Variants in GBP7 observed in about 807,000 individuals in gnomAD.
GBP7 encodes guanylate binding protein 7.
In GBP7, 43 loss-of-function variants were observed where a neutral mutation model predicts 61.3. That is an observed-to-expected ratio of 0.70 (90% confidence interval 0.55 to 0.91). GBP7 has a LOEUF of 0.91. GBP7 is among the 40% of genes least tolerant of loss of function. The pLI is 0.00. For missense variants in GBP7, 717 were observed against 740.5 expected (o/e 0.97, Z 0.37); for synonymous variants, 267 against 271.0 (o/e 0.99, Z 0.14).
Position 89,149,546 on chromosome 1 carries a change from G to C in GBP7, c.898C>G (p.Leu300Val). 6.2e-7 allele frequency: 1 copy of C among 1,613,802 alleles called. No individual in the cohort carries two copies. Among genetic ancestry groups the C allele is most frequent in the Non-Finnish European group, 8.5e-7 (1 of 1,179,764 alleles). The change falls in exon 7 of 11, where the codon CTG becomes GTG. Residue 300 changes from leucine (L) to valine (V), a missense_variant. Physicochemically the swap from Leu to Val is conservative, Grantham distance 32. Transcript: ENST00000294671. Reference sequence around the variant, plus strand: ...GTCGCTCCACTGTTGATGGCATCCAGGTAGGTCTCCACCAGCATCCCCAGC... The same window carrying C: ...GTCGCTCCACTGTTGATGGCATCCACGTAGGTCTCCACCAGCATCCCCAGC... Reference protein sequence around the residue: ...NRLGMLVETYLDAINSGATPC... With the variant: ...NRLGMLVETYVDAINSGATPC...
chr1:89,149,166 G>T, intron 7 of GBP7, 126 bp downstream of exon 7: 2 of 736,578 alleles, frequency 2.7e-6, no homozygotes, highest in South Asian at 3.1e-5. Context: ...ATTAAATTCA[G>T]TCACATAAAA....
intron 2 of GBP7, among the ~76,000 whole-genome samples, chr1:89,167,662 G>A (rs993015732): frequency 7.9e-5 from 12 of 152,190 alleles, no homozygotes; most frequent in African/African-American, 2.4e-4. Context: ...TTGTGTGAAG[G>A]TAAACTGGCC....
intron 7 of GBP7, among the ~76,000 whole-genome samples, chr1:89,148,803 C>T (rs952970035): frequency 1.9e-4 from 29 of 152,100 alleles, no homozygotes; most frequent in Non-Finnish European, 1.5e-5. Flanking sequence ...TTTCCACACT[C>T]AGTCAGGCAA....
At position 89,171,771 on chromosome 1, in the gene GBP7, C is replaced by T. The variant is rs139427783; in HGVS notation, c.165G>A (p.Met55Ile). ...CTTTGTTCTTCCCAGCCAGCTTGTT[C>T]ATTAGGTAGGATTTGCCTGTGCGGT... ...GLYRTGKSYL[M>I]NKLAGKNKGF... Residue 55 changes from methionine to isoleucine, a missense_variant, in exon 2 of 11, where the codon ATG becomes ATA. Coordinates refer to ENST00000294671, the MANE Select transcript of GBP7 (RefSeq NM_207398.3). 1.5e-4 allele frequency: 239 copies of T among 1,613,008 alleles called. No homozygotes were observed. Among genetic ancestry groups the T allele is most frequent in the Non-Finnish European group, 1.7e-4 (205 of 1,179,702 alleles).
intron 3 of GBP7, among the ~76,000 whole-genome samples, chr1:89,159,565 C>T (rs1313497483): frequency 6.6e-6 from 1 of 152,180 alleles, no homozygotes; most frequent in Admixed American, 6.5e-5. Context: ...TATGAACAGA[C>T]ACTTCTCAAA....
Position 89,152,446 on chromosome 1 carries a change from T to C in GBP7, c.447A>G (p.Thr149=). The C allele has an allele frequency of 6.2e-7, 1 of 1,614,186 alleles. No individual in the cohort carries two copies. Among genetic ancestry groups the C allele is most frequent in the Non-Finnish European group, 8.5e-7 (1 of 1,180,000 alleles). Residue 149 remains threonine, a synonymous_variant, in exon 5 of 11, where the codon ACA becomes ACG. Transcript: ENST00000294671. ...GGCACGATTTTGCCCTGATTAGCTC[T>C]GTTAGCTCAGTCACGTAGCTGGGAT... ...LEQLHYVTEL[T]ELIRAKSCPR...
Position 89,152,365 on chromosome 1 carries a change from A to G in GBP7, c.528T>C (p.Phe176=). The change falls in exon 5 of 11, where the codon TTT becomes TTC. Residue 176 remains phenylalanine, a synonymous_variant. Coordinates refer to ENST00000294671, the MANE Select transcript of GBP7 (RefSeq NM_207398.3). ...GGGTAAAATCTCGAACAGTCCAAAT[A>G]AAGTCTGGAAAGAAACTCACAAACT... ...SSEFVSFFPD[F]IWTVRDFTLE... 6.2e-7 allele frequency: 1 copy of G among 1,614,126 alleles called. No homozygotes were observed. Among genetic ancestry groups the G allele is most frequent in the Non-Finnish European group, 8.5e-7 (1 of 1,180,016 alleles).
chr1:89,142,781 C>T (rs1681982236), intron 8 of GBP7, among the ~76,000 whole-genome samples: 1 of 10,250 alleles, frequency 9.8e-5, no homozygotes, highest in Non-Finnish European at 1.7e-4. Flanking sequence ...TTCCTTGTTC[C>T]CTTCTTTCAA....
At chr1:89,158,104 CA>C in intron 3 of GBP7, among the ~76,000 whole-genome samples, 1 of 152,114 alleles carries the variant, frequency 6.6e-6, no homozygotes, top group East Asian at 1.9e-4. Context: ...GAACCAAAGA[CA>C]AAAACCACAT....
At chr1:89,142,666 A>C (rs1316955280) in intron 8 of GBP7, among the ~76,000 whole-genome samples, 1 of 152,218 alleles carries the variant, frequency 6.6e-6, no homozygotes, top group Non-Finnish European at 1.5e-5. Context: ...CATGGGAAGG[A>C]AAAAGAGGCA....
chr1:89,150,707 C>T lies in GBP7; in HGVS notation c.626-132G>A, dbSNP rs373914361. On this transcript the variant is annotated intron_variant, in intron 5 of 10. Coordinates refer to ENST00000294671, the MANE Select transcript of GBP7 (RefSeq NM_207398.3). ...GTGAATCTACTCTATGTAATCAAAC[C>T]TCTCATGCAACCAAACTTATGCTAA... The T allele has an allele frequency of 3.8e-5, 35 of 909,618 alleles. No individual in the cohort carries two copies. The East Asian group carries it at 6.2e-4, about 16-fold the overall frequency. The allele number at this position is 909,618 out of a possible 1,614,324, so 56.3% of individuals were successfully genotyped here. A position where few individuals can be genotyped will look rare whatever the true frequency, so the allele number is the denominator to read the frequency against.
chr1:89,133,213 A>C (rs1054913663), intron 10 of GBP7, 45 bp downstream of exon 10: 2 of 1,475,900 alleles, frequency 1.4e-6, no homozygotes, highest in Non-Finnish European at 1.9e-6. Context: ...TAAATGAGGA[A>C]CTGGCATTGT....
intron 9 of GBP7, among the ~76,000 whole-genome samples, chr1:89,136,021 A>G (rs1482825163): frequency 6.6e-6 from 1 of 152,198 alleles, no homozygotes; most frequent in Non-Finnish European, 1.5e-5. Context: ...TTCTTATTTC[A>G]GACAAAACAG....
intron 3 of GBP7, 151 bp downstream of exon 3, chr1:89,164,579 GA>G: frequency 1.4e-6 from 1 of 715,974 alleles, no homozygotes; most frequent in Non-Finnish European, 2.3e-6. Flanking sequence ...TGCTTACCAA[GA>G]AAGTAAGTTC....
intron 3 of GBP7, 64 bp downstream of exon 3, chr1:89,164,667 C>A (rs1647368838): frequency 2.1e-5 from 32 of 1,499,292 alleles, no homozygotes; most frequent in Non-Finnish European, 3.0e-5. Context: ...TGGATTGATA[C>A]TATGCATAAA....
intron 3 of GBP7, among the ~76,000 whole-genome samples, chr1:89,160,153 T>C (rs892733874): frequency 5.3e-5 from 8 of 152,100 alleles, no homozygotes; most frequent in African/African-American, 1.9e-4. Context: ...TAGGTGGGAA[T>C]TGAACAATGA....
At chr1:89,149,038 A>G (rs992421714) in intron 7 of GBP7, among the ~76,000 whole-genome samples, 8 of 152,194 alleles carry the variant, frequency 5.3e-5, no homozygotes, top group Admixed American at 1.3e-4. Flanking sequence ...CATTGTTATT[A>G]AATGTAGTTA....
intron 7 of GBP7, among the ~76,000 whole-genome samples, chr1:89,148,896 T>A (rs1682128101): frequency 6.6e-6 from 1 of 152,206 alleles, no homozygotes; most frequent in East Asian, 1.9e-4. Flanking sequence ...AAATGTAACA[T>A]AATCTGTACA....
In GBP7 at chr1:89,132,331, T is replaced by C. The variant is rs768673834; in HGVS notation, c.1735A>G (p.Lys579Glu). 10 of 1,613,626 alleles carry C rather than the reference T, an allele frequency of 6.2e-6. No individual in the cohort carries two copies. The highest frequency in any genetic ancestry group is 2.2e-5 in the East Asian group (1 of 44,866). The change falls in exon 11 of 11, where the codon AAA (lysine) becomes GAA (glutamate). Residue 579 changes from lysine (K) to glutamate (E), a missense_variant. Physicochemically the swap from Lys to Glu is moderately conservative, Grantham distance 56. Around this residue, in one of 3 missense-constraint regions of GBP7, gnomAD observed 312 missense variants for 310.1 expected, o/e 1.01. Transcript: ENST00000294671. ...ESLNEEINRLKEQIEAAENEE... is the reference protein window; with the variant it reads ...ESLNEEINRLEEQIEAAENEE... ...TTTTCAGCTGCTTCAATTTGTTCTT[T>C]CAGTCGATTAATCTCTTCATTTAAC... is the stretch of plus-strand genomic sequence containing the variant.
Sources: gnomAD v4.1 joint callset for allele counts (sites outside exome capture counted in the v4.1 genomes callset) on GRCh38, gnomAD v4.1.1 for gene constraint, gnomAD v4.1.1 regional missense constraint, MANE v1.5 for transcripts, NCBI Gene and HGNC (gene_info 2026-07-23, HGNC 2026-07-21) for gene names.